PIK3C2A: variants seen among roughly 807,000 people sequenced by gnomAD.
The protein encoded by PIK3C2A is phosphatidylinositol-4-phosphate 3-kinase catalytic subunit type 2 alpha.
PIK3C2A carries 97 observed loss-of-function variants against 204.5 expected under a neutral mutation model. The observed-to-expected ratio is 0.47, with a 90% CI of 0.40 to 0.56. PIK3C2A has a LOEUF of 0.56. PIK3C2A is among the 20% of genes least tolerant of loss of function. PIK3C2A has a pLI of 0.00. For synonymous variants in PIK3C2A, 653 were observed against 664.4 expected (o/e 0.98, Z 0.26); for missense variants, 1,735 against 1,969.2 (o/e 0.88, Z 2.25).
rs1399647875 is a variant in PIK3C2A at position 17,117,484 on chromosome 11, T to G, written c.3216+7A>C. 2 of 1,594,870 alleles carry G rather than the reference T, an allele frequency of 1.3e-6. No homozygotes were observed. Among genetic ancestry groups the G allele is most frequent in the Non-Finnish European group, 1.7e-6 (2 of 1,163,270 alleles). ...ACACATTTATATTACCTTTTATGGG[T>G]ACATACCTGTCTGGCTGATCCACTA... On this transcript the variant is annotated splice_region_variant and intron_variant, in intron 19 of 32. Transcript: ENST00000691414.
Position 17,168,674 on chromosome 11 carries a change from T to C in PIK3C2A, c.1065+3A>G, listed in dbSNP as rs771783617. On this transcript the variant is annotated splice_donor_region_variant and intron_variant, in intron 2 of 32. Transcript: ENST00000691414. Reference sequence around the variant, plus strand: ...TTGAGAAGTTAGTAAGAAAAGACTATACCTGAGATATATGGCCCTGGGCTT... The same window carrying C: ...TTGAGAAGTTAGTAAGAAAAGACTACACCTGAGATATATGGCCCTGGGCTT... 6.6e-7 allele frequency: 1 copy of C among 1,519,812 alleles called. No individual in the cohort carries two copies. Among genetic ancestry groups the C allele is most frequent in the South Asian group, 1.3e-5 (1 of 78,870 alleles). 94.1% of individuals were successfully genotyped at this position (1,519,812 alleles called of 1,614,324 possible).
chr11:17,138,960 T>C (rs1333973189), intron 8 of PIK3C2A, among the ~76,000 whole-genome samples: 1 of 151,980 alleles, frequency 6.6e-6, no homozygotes, highest in East Asian at 1.9e-4. Flanking sequence ...CAGGCTGGAG[T>C]GCGATGGCGC....
intron 25 of PIK3C2A, among the ~76,000 whole-genome samples, chr11:17,100,799 T>G (rs1848603267): frequency 6.6e-6 from 1 of 152,222 alleles, no homozygotes. Flanking sequence ...ATTTCTGAGT[T>G]ATTTCACTTA....
intron 30 of PIK3C2A, 41 bp from the exon 31 acceptor site, chr11:17,091,697 G>T: frequency 7.7e-7 from 1 of 1,306,750 alleles, no homozygotes; most frequent in Non-Finnish European, 1.1e-6. Context: ...ACTGGTTGTA[G>T]TGGTTCAAGC....
At chr11:17,090,999 G>T in intron 32 of PIK3C2A, among the ~76,000 whole-genome samples, 1 of 151,026 alleles carries the variant, frequency 6.6e-6, no homozygotes, top group East Asian at 1.9e-4. Flanking sequence ...TATCCACCTC[G>T]GCCTCCCAAA....
chr11:17,119,835 G>A lies in PIK3C2A; in HGVS notation c.2797C>T (p.Gln933Ter). ...ATTAGTGGGTACAATGCAGGCCACT[G>A]GTGAAGCAATGAGTAAGTTTTGGCA... is the stretch of plus-strand genomic sequence containing the variant. ...NLAKTYSLLH[Q>*]WPALYPLIAL... Residue 933 changes from glutamine (Q) to a stop codon, truncating the protein, a stop_gained, in exon 16 of 33, where the codon CAG (glutamine) becomes TAG (stop). Transcript: ENST00000691414. LOFTEE classifies it high-confidence loss of function. 6.2e-7 allele frequency: 1 copy of A among 1,607,286 alleles called. No homozygotes were observed. The highest frequency in any genetic ancestry group is 8.5e-7 in the Non-Finnish European group (1 of 1,177,300).
chr11:17,167,866 C>T (rs1253394064), intron 2 of PIK3C2A, among the ~76,000 whole-genome samples: 2 of 152,094 alleles, frequency 1.3e-5, no homozygotes, highest in South Asian at 2.1e-4. Flanking sequence ...TCATTCTTCA[C>T]TTTTATCGAC....
At chr11:17,122,840 G>A in intron 13 of PIK3C2A, 27 bp from the exon 14 acceptor site, 2 of 927,690 alleles carry the variant, frequency 2.2e-6, no homozygotes, top group South Asian at 3.0e-5. Context: ...ATAATAATGT[G>A]ATTTTCATTT....
intron 1 of PIK3C2A, among the ~76,000 whole-genome samples, chr11:17,178,350 C>A (rs1851411013): frequency 6.6e-6 from 1 of 151,824 alleles, no homozygotes. Flanking sequence ...ATCTAGTGAA[C>A]AGTGCAAGGT....
At chr11:17,188,914 T>C (rs774215844) in intron 1 of PIK3C2A, among the ~76,000 whole-genome samples, 10 of 147,076 alleles carry the variant, frequency 6.8e-5, no homozygotes, top group Middle Eastern at 3.4e-3. Context: ...CTTCACAGAA[T>C]GTAAAACAGC....
In PIK3C2A at chr11:17,140,634, T is replaced by C. The variant is rs527632812; in HGVS notation, c.1705-4009A>G. The stretch of plus-strand genomic sequence containing the variant: ...ATAGAAATAGGAACCAGATTAGTAG[T>C]TGTCTGGGGCTGAGGCTGGGAGTGA... On this transcript the variant is annotated intron_variant, in intron 8 of 32. Coordinates refer to ENST00000691414, the MANE Select transcript of PIK3C2A (RefSeq NM_002645.4). Among the ~76,000 whole-genome samples, 3 of 152,228 alleles carry C rather than the reference T, an allele frequency of 2.0e-5. No homozygotes were observed. The South Asian group carries it at 6.2e-4, about 32-fold the overall frequency.
chr11:17,194,316 C>T, intron 1 of PIK3C2A: 2 of 294,112 alleles, frequency 6.8e-6, no homozygotes, highest in Non-Finnish European at 1.3e-5. Context: ...TAGGTATCTG[C>T]CTGCCAACGT....
intron 1 of PIK3C2A, among the ~76,000 whole-genome samples, chr11:17,202,253 T>C (rs1486715996): frequency 2.5e-5 from 3 of 118,528 alleles, no homozygotes; most frequent in African/African-American, 9.3e-5. Flanking sequence ...TGAGACTTCA[T>C]CTCCAGAAAA....
intron 25 of PIK3C2A, among the ~76,000 whole-genome samples, chr11:17,100,512 G>A (rs965543731): frequency 5.9e-5 from 9 of 152,062 alleles, no homozygotes; most frequent in East Asian, 1.9e-4. Context: ...ATGAGCCACC[G>A]CGCCTGGCCT....
chr11:17,183,521 C>T (rs1037952285), intron 1 of PIK3C2A, among the ~76,000 whole-genome samples: 3 of 151,832 alleles, frequency 2.0e-5, no homozygotes, highest in Non-Finnish European at 4.4e-5. Flanking sequence ...ACTAAAAATA[C>T]AAAAATTAGC....
At chr11:17,185,214 T>C (rs911962376) in intron 1 of PIK3C2A, among the ~76,000 whole-genome samples, 33 of 152,318 alleles carry the variant, frequency 2.2e-4, no homozygotes, top group African/African-American at 7.9e-4. Flanking sequence ...TACTTAACAA[T>C]TGTTGCAATT....
intron 19 of PIK3C2A, among the ~76,000 whole-genome samples, chr11:17,115,130 A>G (rs1475220916): frequency 1.3e-5 from 2 of 152,140 alleles, no homozygotes; most frequent in Non-Finnish European, 2.9e-5. Flanking sequence ...CCTAAAATTC[A>G]TATGAAATTG....
In PIK3C2A at chr11:17,119,885, G is replaced by A. The variant is rs765862663; in HGVS notation, c.2747C>T (p.Ala916Val). 3 of 1,611,726 alleles carry A rather than the reference G, an allele frequency of 1.9e-6. No individual in the cohort carries two copies. The African/African-American group carries it at 4.0e-5, about 22-fold the overall frequency. The change falls in exon 16 of 33, where the codon GCC becomes GTC. Residue 916 changes from alanine (A) to valine (V), a missense_variant. Ala to Val is a moderately conservative substitution (Grantham distance 64). Coordinates refer to ENST00000691414, the MANE Select transcript of PIK3C2A (RefSeq NM_002645.4). ...PNCLPKILAS[A>V]PNWKWVNLAK... ...AAGATTAACCCATTTCCAGTTTGGGGCGCTTGCTAATATTTTAGGAAGACA... is the reference window on the plus strand; with the variant it reads ...AAGATTAACCCATTTCCAGTTTGGGACGCTTGCTAATATTTTAGGAAGACA...
At chr11:17,144,894 C>CAAAAAAAA (rs35069519) in intron 8 of PIK3C2A, among the ~76,000 whole-genome samples, 5 of 78,126 alleles carry the variant, frequency 6.4e-5, no homozygotes, top group Admixed American at 4.0e-4. Context: ...GACTCAGCCT[C>CAAAAAAAA]AAAAAAAAAA....
Sources: gnomAD v4.1 joint callset for allele counts (sites outside exome capture counted in the v4.1 genomes callset) on GRCh38, gnomAD v4.1.1 for gene constraint, MANE v1.5 for transcripts, NCBI Gene and HGNC (gene_info 2026-07-23, HGNC 2026-07-21) for gene names.